FXYD2: variants seen among roughly 807,000 people sequenced by gnomAD.
The protein encoded by FXYD2 is sodium/potassium-transporting ATPase subunit gamma.
FXYD2 carries 8 observed loss-of-function variants against 11.8 expected under a neutral mutation model. The observed-to-expected ratio is 0.68, with a 90% CI of 0.40 to 1.22. FXYD2 has a LOEUF of 1.22. FXYD2 is among the 50% of genes most tolerant of loss of function. FXYD2 has a pLI of 0.01. For missense variants in FXYD2, 92 were observed against 91.8 expected, an observed-to-expected ratio of 1.00 and a Z score of -0.01; for synonymous variants, 42 against 33.3, an observed-to-expected ratio of 1.26 and a Z score of -0.90.
upstream of FXYD2, among the ~76,000 whole-genome samples, chr11:117,826,786 A>C (rs12798789): frequency 1.4e-5 from 1 of 71,322 alleles, no homozygotes; most frequent in Admixed American, 1.4e-4. Flanking sequence ...CTGTCTATCT[A>C]TCTATCTATC....
At chr11:117,825,178 T>C (rs962787977), upstream of FXYD2, among the ~76,000 whole-genome samples, 5 of 152,150 alleles carry the variant, frequency 3.3e-5, no homozygotes, top group African/African-American at 1.2e-4. Flanking sequence ...GAGGCTTTCC[T>C]GCAGTGGTCC....
intron 1 of FXYD2, among the ~76,000 whole-genome samples, chr11:117,823,705 G>A (rs889122527): frequency 1.3e-5 from 2 of 152,334 alleles, no homozygotes; most frequent in East Asian, 1.9e-4. Context: ...CTGCCCTGCC[G>A]GAGCCCCTTC....
chr11:117,827,102 AG>A (rs2056059467), upstream of FXYD2, among the ~76,000 whole-genome samples: 2 of 119,718 alleles, frequency 1.7e-5, no homozygotes, highest in East Asian at 3.1e-4. Context: ...ATAGATAGAT[AG>A]ATAGATAGAT....
upstream of FXYD2, among the ~76,000 whole-genome samples, chr11:117,827,739 G>A (rs2056074095): frequency 6.6e-5 from 10 of 152,192 alleles, no homozygotes; most frequent in Admixed American, 6.5e-4. Context: ...CATCTCTAAG[G>A]GACGGATGGA....
At chr11:117,820,436 C>A in intron 5 of FXYD2, 64 bp from the exon 6 acceptor site, 1 of 584,970 alleles carries the variant, frequency 1.7e-6, no homozygotes, top group South Asian at 2.3e-5. Flanking sequence ...TTTACTTCCC[C>A]CTTGTCCATC....
chr11:117,820,541 C>A, intron 5 of FXYD2, 125 bp downstream of exon 5: 1 of 1,223,006 alleles, frequency 8.2e-7, no homozygotes, highest in Non-Finnish European at 1.2e-6. Flanking sequence ...GGTGACAGAC[C>A]ACCTGGCTGA....
At chr11:117,825,838 G>A (rs1264717722), upstream of FXYD2, among the ~76,000 whole-genome samples, 1 of 152,216 alleles carries the variant, frequency 6.6e-6, no homozygotes, top group Non-Finnish European at 1.5e-5. Context: ...AACAGCCAAG[G>A]TCAGTGGCCA....
At chr11:117,825,153 C>T (rs1029931850), upstream of FXYD2, among the ~76,000 whole-genome samples, 1 of 152,184 alleles carries the variant, frequency 6.6e-6, no homozygotes, top group Non-Finnish European at 1.5e-5. Flanking sequence ...AGCTGGTGTT[C>T]CTTATGTGGT....
In FXYD2 at chr11:117,822,400, A is replaced by G. The variant is rs1429912417; in HGVS notation, c.139+6T>C. On this transcript the variant is annotated splice_donor_region_variant and intron_variant, in intron 3 of 5. Transcript: ENST00000292079. The surrounding 1 kb of genome is among the most constrained non-coding windows in gnomAD (Gnocchi z 4.7). ...GCACCCCTTCCCTGGAGGCCACCCC[A>G]CTTACTGAGGAGGATGAGGAGCCCC... is the stretch of plus-strand genomic sequence containing the variant. 3 of 1,555,530 alleles carry G rather than the reference A, an allele frequency of 1.9e-6. No homozygotes were observed. Among genetic ancestry groups the G allele is most frequent in the Non-Finnish European group, 1.7e-6 (2 of 1,148,960 alleles).
rs1432916303 is a variant in FXYD2, at chr11:117,822,282, A to G, written c.139+124T>C. ...CCGGGCACCCATTCCCACATCCTGC[A>G]GTGGGGGGCGTGGTGGGGAGGCTCA... On this transcript the variant is annotated intron_variant, in intron 3 of 5. Coordinates refer to ENST00000292079, the MANE Select transcript of FXYD2 (RefSeq NM_001680.5). The surrounding 1 kb of genome is among the most constrained non-coding windows in gnomAD (Gnocchi z 4.7). The G allele has an allele frequency of 6.5e-7, 1 of 1,541,292 alleles. No homozygotes were observed.
chr11:117,827,267 A>G (rs2845710), upstream of FXYD2, among the ~76,000 whole-genome samples: 120,294 of 152,074 alleles, frequency 0.79, 47,781 homozygotes, highest in East Asian at 1. Context: ...TCTTTTTTTT[A>G]AGACGGAGTT....
chr11:117,820,838 G>A (rs2134097965), intron 4 of FXYD2, 21 bp downstream of exon 4: 1 of 1,613,734 alleles, frequency 6.2e-7, no homozygotes, highest in East Asian at 2.2e-5. Context: ...CCCCTCATCG[G>A]TCACCCCAGG....
In FXYD2 at chr11:117,822,945, C is replaced by A. The variant is rs575666477; in HGVS notation, c.26-228G>T. On this transcript the variant is annotated intron_variant, in intron 1 of 5. Coordinates refer to ENST00000292079, the MANE Select transcript of FXYD2 (RefSeq NM_001680.5). This position sits in a 1 kb window ranked among gnomAD's most constrained non-coding sequence, Gnocchi z 4.7. The stretch of plus-strand genomic sequence containing the variant: ...CAAATACCGAGTGTCCGAGGGGGAT[C>A]CGTGCTGTCTGGGGGGCCTCTGACC... Among the ~76,000 whole-genome samples the A allele has an allele frequency of 1.4e-3, 207 of 152,216 alleles. No individual in the cohort carries two copies. Among genetic ancestry groups the A allele is most frequent in the African/African-American group, 4.7e-3 (197 of 41,538 alleles).
rs2055920386 is a variant in FXYD2 at position 117,822,144 on chromosome 11, C to G, written c.139+262G>C. The G allele has an allele frequency of 3.6e-6, 5 of 1,395,662 alleles. No homozygotes were observed. The highest frequency in any genetic ancestry group is 4.7e-6 in the Non-Finnish European group (5 of 1,073,434). 86.5% of individuals were successfully genotyped at this position (1,395,662 alleles called of 1,614,324 possible). ...TCCCCCTGTCTGGCCCTCCGGTTAC[C>G]CAGTTACCCCGTGGGTTTGCTCTCA... is the stretch of plus-strand genomic sequence containing the variant. On this transcript the variant is annotated intron_variant, in intron 3 of 5. Coordinates refer to ENST00000292079, the MANE Select transcript of FXYD2 (RefSeq NM_001680.5). This position sits in a 1 kb window ranked among gnomAD's most constrained non-coding sequence, Gnocchi z 4.7.
upstream of FXYD2, chr11:117,824,873 G>C: frequency 1.4e-6 from 1 of 712,332 alleles, no homozygotes; most frequent in Non-Finnish European, 2.5e-6. This position sits in a 1 kb window ranked among gnomAD's most constrained non-coding sequence, Gnocchi z 4.0. Context: ...GGGTGAGGAC[G>C]TGCGTGGGGA....
In FXYD2 at chr11:117,822,379, C is replaced by T. The variant is rs1376607476; in HGVS notation, c.139+27G>A. 2 of 1,551,908 alleles carry T rather than the reference C, an allele frequency of 1.3e-6. No individual in the cohort carries two copies. Among genetic ancestry groups the T allele is most frequent in the Non-Finnish European group, 1.7e-6 (2 of 1,147,388 alleles). ...AGAAGAGAGGTGCCCTGGTCAGCAC[C>T]CCTTCCCTGGAGGCCACCCCACTTA... On this transcript the variant is annotated intron_variant, in intron 3 of 5. Coordinates refer to ENST00000292079, the MANE Select transcript of FXYD2 (RefSeq NM_001680.5). The surrounding 1 kb of genome is among the most constrained non-coding windows in gnomAD (Gnocchi z 4.7).
chr11:117,824,490 G>A lies in FXYD2; in HGVS notation c.25+164C>T, dbSNP rs556791722. The stretch of plus-strand genomic sequence containing the variant: ...TTAAAGCAGGGTCCTCCTTTAAGTT[G>A]CAAATTTTCTTAGAGAGGAGGCCGA... On this transcript the variant is annotated intron_variant, in intron 1 of 5. Coordinates refer to ENST00000292079, the MANE Select transcript of FXYD2 (RefSeq NM_001680.5). This position sits in a 1 kb window ranked among gnomAD's most constrained non-coding sequence, Gnocchi z 4.0. 11 of 693,150 alleles carry A rather than the reference G, an allele frequency of 1.6e-5. No homozygotes were observed. In the South Asian group the frequency reaches 1.7e-4, roughly 11 times the overall value. The allele number at this position is 693,150 out of a possible 1,614,324, so 42.9% of individuals were successfully genotyped here.
chr11:117,821,982 A>C, intron 3 of FXYD2: 1 of 1,119,248 alleles, frequency 8.9e-7, no homozygotes, highest in Non-Finnish European at 1.1e-6. Flanking sequence ...GAACACTCCG[A>C]GTCTGCACTG....
At chr11:117,821,628 G>T in intron 3 of FXYD2, 4 of 985,956 alleles carry the variant, frequency 4.1e-6, no homozygotes, top group Non-Finnish European at 4.8e-6. Context: ...TGCCCTCCGG[G>T]AGCTGCCACG....
Sources: allele counts gnomAD v4.1 joint callset (sites outside exome capture counted in the v4.1 genomes callset), GRCh38; gene constraint gnomAD v4.1.1; non-coding constraint Gnocchi (gnomAD v3.1); transcripts MANE v1.5; gene names NCBI Gene and HGNC (gene_info 2026-07-23, HGNC 2026-07-21).